Variants in YEATS2 observed in about 807,000 individuals in gnomAD.
YEATS2 encodes YEATS domain containing 2, also known as YEATS domain-containing protein 2.
A neutral mutation model predicts 163.2 loss-of-function variants in YEATS2; 77 were observed. The observed-to-expected ratio is 0.47, with a 90% CI of 0.39 to 0.57. YEATS2 has a LOEUF of 0.57. Among genes scored for constraint, YEATS2 ranks in the 20% least tolerant of loss-of-function variants. The pLI, the probability that YEATS2 is intolerant of heterozygous loss-of-function variation, is 0.00. For missense variants in YEATS2, 1,549 were observed against 1,729.8 expected (o/e 0.90, Z 1.85); for synonymous variants, 631 against 645.1 (o/e 0.98, Z 0.33).
chr3:183,730,052 G>GTTTTTTTTTTTTTTTTTTTTTTTTTTT (rs869091775), intron 7 of YEATS2, among the ~76,000 whole-genome samples: 2 of 41,698 alleles, frequency 4.8e-5, no homozygotes, highest in South Asian at 1.4e-3. Context: ...TTTTTTGTTT[G>GTTTTTTTTTTTTTTTTTTTTTTTTTTT]TTTTTTTTTT....
intron 20 of YEATS2, among the ~76,000 whole-genome samples, chr3:183,788,647 GTT>G (rs1231122733): frequency 6.6e-6 from 1 of 152,114 alleles, no homozygotes; most frequent in Non-Finnish European, 1.5e-5. Context: ...CATTTCCTTT[GTT>G]TTGGGTATAT....
At chr3:183,730,724 T>C (rs1351109780) in intron 7 of YEATS2, among the ~76,000 whole-genome samples, 4 of 152,184 alleles carry the variant, frequency 2.6e-5, no homozygotes, top group Non-Finnish European at 4.4e-5. Flanking sequence ...TTTCAGCACC[T>C]GGTTTACTGA....
chr3:183,758,310 TC>T (rs1720971863), intron 12 of YEATS2, among the ~76,000 whole-genome samples: 1 of 151,952 alleles, frequency 6.6e-6, no homozygotes. Flanking sequence ...TGAGCCGAGA[TC>T]AGGCAACTGC....
chr3:183,721,821 G>A lies in YEATS2; in HGVS notation c.292-70G>A. 6 of 1,571,992 alleles carry A rather than the reference G, an allele frequency of 3.8e-6. No homozygotes were observed. In the South Asian group the frequency reaches 7.2e-5, roughly 19 times the overall value. Reference sequence around the variant, plus strand: ...ATCCTGTAATAGATAAGGTTTTGGAGAGATCAGATTTTTGCCTGCTTTTGA... The same window carrying A: ...ATCCTGTAATAGATAAGGTTTTGGAAAGATCAGATTTTTGCCTGCTTTTGA... On this transcript the variant is annotated intron_variant, in intron 4 of 30. Transcript: ENST00000305135.
At position 183,812,406 on chromosome 3, in the gene YEATS2, A is replaced by C. The variant is rs1274084485; in HGVS notation, c.*1823A>C. ...AGGGAAGTGGATAGATTGCTTCAGC[A>C]AAGTGAACTGTGAGATCTCCAGGAC... is the stretch of plus-strand genomic sequence containing the variant. On this transcript the variant is annotated 3_prime_UTR_variant, in exon 31 of 31. Transcript: ENST00000305135. 2 of 152,614 alleles carry C rather than the reference A, an allele frequency of 1.3e-5. 1 individual carries two copies. Among genetic ancestry groups the C allele is most frequent in the South Asian group, 4.1e-4 (2 of 4,834 alleles). The allele number at this position is 152,614 out of a possible 1,614,324, so 9.5% of individuals were successfully genotyped here.
chr3:183,718,466 T>G (rs1235908921), intron 3 of YEATS2, 34 bp from the exon 4 acceptor site: 1 of 1,562,294 alleles, frequency 6.4e-7, no homozygotes, highest in African/African-American at 1.4e-5. Context: ...ATAATTGCCG[T>G]TTTTTAAAGT....
intron 15 of YEATS2, among the ~76,000 whole-genome samples, chr3:183,771,800 C>T (rs1722507699): frequency 6.7e-6 from 1 of 148,334 alleles, no homozygotes; most frequent in Admixed American, 6.8e-5. Context: ...GATCTTGGCT[C>T]ACTGCAACCT....
At chr3:183,808,201 C>A in intron 29 of YEATS2, 97 bp downstream of exon 29, 1 of 970,084 alleles carries the variant, frequency 1.0e-6, no homozygotes, top group Non-Finnish European at 1.5e-6. Context: ...AGATAACAGG[C>A]TTTAAAATGT....
rs1373781118 is a variant in YEATS2, at chr3:183,786,193, C to G, written c.2805C>G (p.Thr935=). ...GCACCTTGAAGACTGTGCCAGCCAC[C>G]TCACAGCTCTCGAAGCCTGGAACCA... The part of the protein sequence containing the change: ...SDSTLKTVPA[T]SQLSKPGTTM... Residue 935 remains threonine (T), a synonymous_variant, in exon 20 of 31, where the codon ACC becomes ACG. Transcript: ENST00000305135. The G allele has an allele frequency of 6.2e-7, 1 of 1,614,046 alleles. No homozygotes were observed. The highest frequency in any genetic ancestry group is 8.5e-7 in the Non-Finnish European group (1 of 1,180,038).
intron 1 of YEATS2, among the ~76,000 whole-genome samples, chr3:183,705,262 G>C (rs893999): frequency 0.032 from 4,916 of 152,056 alleles, 194 homozygotes; most frequent in East Asian, 0.15. Flanking sequence ...GTTGCCCAGG[G>C]TGGTCTTGAA....
chr3:183,729,088 C>T (rs568923502), intron 7 of YEATS2, among the ~76,000 whole-genome samples: 14 of 152,096 alleles, frequency 9.2e-5, no homozygotes, highest in Admixed American at 2.6e-4. Context: ...CTGGCTAACA[C>T]GGTGAAACCC....
intron 15 of YEATS2, among the ~76,000 whole-genome samples, chr3:183,762,944 G>A (rs991388889): frequency 1.3e-5 from 2 of 151,984 alleles, no homozygotes; most frequent in Admixed American, 6.6e-5. Context: ...CCAGCTACTC[G>A]GGAGACTGAG....
At chr3:183,748,881 G>A (rs550601196) in intron 9 of YEATS2, among the ~76,000 whole-genome samples, 37 of 152,254 alleles carry the variant, frequency 2.4e-4, no homozygotes, top group African/African-American at 8.7e-4. Flanking sequence ...TTACAGGCAT[G>A]AGTCACTGCG....
chr3:183,779,144 C>T (rs1371677639), intron 19 of YEATS2, among the ~76,000 whole-genome samples: 6 of 151,124 alleles, frequency 4.0e-5, no homozygotes, highest in Non-Finnish European at 7.4e-5. Context: ...CTCCTGACCT[C>T]GTGGTCTGCC....
chr3:183,733,954 A>G (rs12163610), intron 7 of YEATS2, among the ~76,000 whole-genome samples: 16 of 152,040 alleles, frequency 1.1e-4, no homozygotes, highest in African/African-American at 3.6e-4. Flanking sequence ...GAAACCAAAA[A>G]GGTCTTCCTG....
At chr3:183,779,486 G>A (rs1723343506) in intron 19 of YEATS2, among the ~76,000 whole-genome samples, 1 of 152,116 alleles carries the variant, frequency 6.6e-6, no homozygotes, top group African/African-American at 2.4e-5. Flanking sequence ...GCAGGGACTG[G>A]CTATCTTTAA....
At chr3:183,767,386 A>AT (rs57176132) in intron 15 of YEATS2, among the ~76,000 whole-genome samples, 62,349 of 146,474 alleles carry the variant, frequency 0.43, 13,595 homozygotes, top group East Asian at 0.65. Flanking sequence ...CGCCCAGCTA[A>AT]TTTTTTTTTT....
intron 8 of YEATS2, among the ~76,000 whole-genome samples, chr3:183,743,957 C>G (rs1357109481): frequency 6.6e-6 from 1 of 152,064 alleles, no homozygotes; most frequent in East Asian, 1.9e-4. Context: ...TAACCTGCGG[C>G]TTAAGTTATT....
At chr3:183,700,414 G>C (rs1338401497) in intron 1 of YEATS2, among the ~76,000 whole-genome samples, 2 of 151,920 alleles carry the variant, frequency 1.3e-5, no homozygotes, top group East Asian at 3.9e-4. Flanking sequence ...CATCAACTAC[G>C]GATTTTTATT....
Sources: gnomAD v4.1 joint callset for allele counts (sites outside exome capture counted in the v4.1 genomes callset) on GRCh38, gnomAD v4.1.1 for gene constraint, MANE v1.5 for transcripts, NCBI Gene and HGNC (gene_info 2026-07-23, HGNC 2026-07-21) for gene names.